Variants in MALRD1 observed in about 807,000 individuals in gnomAD.
MALRD1 encodes the protein MAM and LDL-receptor class A domain-containing protein 1.
Under a neutral mutation model 242.1 loss-of-function variants are expected in MALRD1, and 247 were observed. The observed-to-expected ratio is 1.02, with a 90% CI of 0.92 to 1.13. MALRD1 has a LOEUF of 1.13. Ranked by LOEUF, MALRD1 falls within the 50% of genes most tolerant of loss-of-function variation. The probability of loss-of-function intolerance (pLI) is 0.00; values close to 1 mark genes in which losing one functional copy is unlikely to be tolerated. For synonymous variants in MALRD1, 995 were observed against 866.6 expected, an observed-to-expected ratio of 1.15 and a Z score of -2.60; for missense variants, 2,989 against 2,533.1, an observed-to-expected ratio of 1.18 and a Z score of -3.86.
intron 11 of MALRD1, among the ~76,000 whole-genome samples, chr10:19,149,873 G>T (rs906348919): frequency 6.6e-6 from 1 of 152,100 alleles, no homozygotes; most frequent in Non-Finnish European, 1.5e-5. Flanking sequence ...TGACATCAAT[G>T]ATCTGATTTC....
intron 18 of MALRD1, among the ~76,000 whole-genome samples, chr10:19,219,800 GA>G (rs1837481974): frequency 2.3e-5 from 3 of 131,780 alleles, no homozygotes; most frequent in African/African-American, 8.5e-5. Context: ...GTAGATCTGA[GA>G]AAGAGATAGT....
intron 33 of MALRD1, among the ~76,000 whole-genome samples, chr10:19,593,326 C>T (rs940565848): frequency 2.6e-5 from 4 of 152,160 alleles, no homozygotes; most frequent in Non-Finnish European, 4.4e-5. Flanking sequence ...ACATATATCT[C>T]AGATACATGG....
chr10:19,279,858 A>G (rs1046232095), intron 19 of MALRD1, among the ~76,000 whole-genome samples, 189 bp from the exon 20 acceptor site: 1 of 152,180 alleles, frequency 6.6e-6, no homozygotes, highest in Admixed American at 6.5e-5. Context: ...TCATGATCAA[A>G]GATGTTTAGT....
chr10:19,706,298 T>G (rs1276552480), intron 38 of MALRD1, among the ~76,000 whole-genome samples: 1 of 152,090 alleles, frequency 6.6e-6, no homozygotes, highest in Non-Finnish European at 1.5e-5. Context: ...AAAAGAGATT[T>G]TCATTTATTT....
At chr10:19,149,750 A>G (rs753033592) in intron 11 of MALRD1, among the ~76,000 whole-genome samples, 6 of 152,178 alleles carry the variant, frequency 3.9e-5, no homozygotes, top group East Asian at 1.9e-4. Context: ...GTTCTGACAT[A>G]CATACACAAT....
chr10:19,067,263 C>G (rs1340293787), intron 2 of MALRD1, among the ~76,000 whole-genome samples: 2 of 152,076 alleles, frequency 1.3e-5, no homozygotes, highest in Non-Finnish European at 2.9e-5. Context: ...TCTGGTACCA[C>G]TTGTTTAATC....
Position 19,048,855 on chromosome 10 carries a change from G to T in MALRD1, c.-84G>T, listed in dbSNP as rs774512157. 7.4e-6 allele frequency: 8 copies of T among 1,080,064 alleles called. No homozygotes were observed. Among genetic ancestry groups the T allele is most frequent in the Non-Finnish European group, 9.4e-6 (8 of 848,956 alleles). The allele number at this position is 1,080,064 out of a possible 1,614,324, so 66.9% of individuals were successfully genotyped here. On this transcript the variant is annotated 5_prime_UTR_variant, in exon 1 of 40. It adds an upstream start codon to the 5' untranslated region. Coordinates refer to ENST00000454679, the MANE Select transcript of MALRD1 (RefSeq NM_001142308.3). ...AGTTATAAGAAGCAAATCTGGGAAAGGAAGAATAGAGAAATAAAAGAATGT... is the reference window on the plus strand; with the variant it reads ...AGTTATAAGAAGCAAATCTGGGAAATGAAGAATAGAGAAATAAAAGAATGT...
At chr10:19,456,435 G>A (rs1835651725) in intron 29 of MALRD1, among the ~76,000 whole-genome samples, 1 of 152,176 alleles carries the variant, frequency 6.6e-6, no homozygotes, top group Admixed American at 6.5e-5. Flanking sequence ...ATAGTGGCAT[G>A]ATGATAATGA....
intron 5 of MALRD1, among the ~76,000 whole-genome samples, chr10:19,108,646 T>A (rs867748629): frequency 3.6e-5 from 1 of 27,520 alleles, no homozygotes. Flanking sequence ...CTCGATCTCC[T>A]GACCTCATGA....
intron 28 of MALRD1, among the ~76,000 whole-genome samples, chr10:19,441,925 G>A (rs928598032): frequency 6.6e-6 from 1 of 152,174 alleles, no homozygotes; most frequent in Non-Finnish European, 1.5e-5. Context: ...ACCTTGGGCA[G>A]TATGGCCATT....
intron 2 of MALRD1, among the ~76,000 whole-genome samples, chr10:19,070,391 T>C (rs546605189): frequency 2.0e-5 from 3 of 152,284 alleles, no homozygotes; most frequent in Non-Finnish European, 4.4e-5. Context: ...CATATTGTAC[T>C]GAAAGTGAAA....
chr10:19,726,348 C>T (rs1835024836), intron 38 of MALRD1, among the ~76,000 whole-genome samples: 2 of 152,046 alleles, frequency 1.3e-5, no homozygotes, highest in African/African-American at 4.8e-5. Context: ...AGATGTTCAA[C>T]ATCACTAGTC....
At chr10:19,449,950 G>T (rs911434520) in intron 28 of MALRD1, among the ~76,000 whole-genome samples, 1 of 152,198 alleles carries the variant, frequency 6.6e-6, no homozygotes, top group East Asian at 1.9e-4. Context: ...ACTGGTGCAT[G>T]ATGGGTAAAA....
At chr10:19,722,638 T>C (rs1242003140) in intron 38 of MALRD1, 2 of 91,910 alleles carry the variant, frequency 2.2e-5, no homozygotes, top group Non-Finnish European at 4.4e-5. Context: ...AAATTTAAAA[T>C]ACTACAGTGA....
At chr10:19,246,730 G>T (rs10437405) in intron 18 of MALRD1, among the ~76,000 whole-genome samples, 1 of 151,920 alleles carries the variant, frequency 6.6e-6, no homozygotes, top group Non-Finnish European at 1.5e-5. Context: ...AGATAATGCA[G>T]TGAGAATGGT....
chr10:19,695,516 TTTC>T (rs1833336721), intron 38 of MALRD1, among the ~76,000 whole-genome samples: 1 of 91,474 alleles, frequency 1.1e-5, no homozygotes, highest in Non-Finnish European at 1.9e-5. Context: ...CATGTTTTTC[TTTC>T]TTTTTTTTTT....
chr10:19,269,702 A>G (rs1488953157), intron 19 of MALRD1, among the ~76,000 whole-genome samples: 1 of 152,216 alleles, frequency 6.6e-6, no homozygotes, highest in East Asian at 1.9e-4. Flanking sequence ...CGCTTTTCTC[A>G]TTTAGCTCTT....
chr10:19,115,556 A>G (rs17359432), intron 5 of MALRD1, among the ~76,000 whole-genome samples: 9,490 of 152,196 alleles, frequency 0.062, 304 homozygotes, highest in South Asian at 0.12. Flanking sequence ...TAATTCTGAG[A>G]TGAGGAAGTT....
intron 14 of MALRD1, among the ~76,000 whole-genome samples, chr10:19,176,777 A>AGT (rs141400659): frequency 4.2e-4 from 63 of 150,924 alleles, no homozygotes; most frequent in Admixed American, 1.7e-3. Context: ...TGTTCATGCA[A>AGT]GTGTGTGTGT....
Sources: allele counts gnomAD v4.1 joint callset (sites outside exome capture counted in the v4.1 genomes callset), GRCh38; gene constraint gnomAD v4.1.1; transcripts MANE v1.5; gene names NCBI Gene and HGNC (gene_info 2026-07-23, HGNC 2026-07-21).